Variants in TMCC1 observed in about 807,000 individuals in gnomAD.
TMCC1 encodes the protein transmembrane and coiled-coil domains protein 1.
Under a neutral mutation model 52.4 loss-of-function variants are expected in TMCC1, and 15 were observed. That is an observed-to-expected ratio of 0.29 (90% CI 0.19 to 0.44). The LOEUF (loss-of-function observed/expected upper bound fraction) is 0.44. TMCC1 is among the 20% of genes least tolerant of loss of function. TMCC1 has a pLI of 1.00. For missense variants in TMCC1, 503 were observed against 806.0 expected, an observed-to-expected ratio of 0.62 and a Z score of 4.55; for synonymous variants, 279 against 301.9, an observed-to-expected ratio of 0.92 and a Z score of 0.79.
rs368370907 is a variant in TMCC1, at chr3:129,670,432, C to T, written c.1409G>A (p.Arg470Gln). ...TTCCTCTAGTCTGGCCTGGGTTTCC[C>T]GGATCTCCTGGATCTCATGTAGTAG... ...DALLHEIQEI[R>Q]ETQARLEESF... is the part of the protein sequence containing the mutation. The change falls in exon 5 of 7, where the codon CGG becomes CAG. Residue 470 changes from arginine to glutamine, a missense_variant. Around this residue, in one of 7 missense-constraint regions of TMCC1, gnomAD observed 121 missense variants for 193.6 expected, o/e 0.62. Transcript: ENST00000393238. 307 of 1,614,142 alleles carry T rather than the reference C, an allele frequency of 1.9e-4. 1 individual carries two copies. Among genetic ancestry groups the T allele is most frequent in the Non-Finnish European group, 2.3e-4 (277 of 1,180,016 alleles).
intron 2 of TMCC1, among the ~76,000 whole-genome samples, chr3:129,846,736 T>C (rs2059680947): frequency 6.6e-6 from 1 of 151,800 alleles, no homozygotes; most frequent in South Asian, 2.1e-4. Context: ...TTTATGACTT[T>C]GAAGAATGCT....
At chr3:129,804,574 A>T (rs577963563) in intron 4 of TMCC1, among the ~76,000 whole-genome samples, 2 of 152,240 alleles carry the variant, frequency 1.3e-5, no homozygotes, top group Non-Finnish European at 2.9e-5. Context: ...TTATACACAG[A>T]GTAAACTAAA....
intron 4 of TMCC1, among the ~76,000 whole-genome samples, chr3:129,706,196 C>CT (rs915464498): frequency 1.3e-5 from 2 of 151,494 alleles, no homozygotes; most frequent in African/African-American, 4.9e-5. Context: ...GGCCAAAACA[C>CT]TTTTTTATTT....
chr3:129,868,801 A>G (rs1340505874), intron 2 of TMCC1: 1 of 152,322 alleles, frequency 6.6e-6, no homozygotes, highest in East Asian at 1.9e-4. Context: ...GACATTACCA[A>G]TAATCAAATT....
chr3:129,693,819 T>C (rs1485235524), intron 4 of TMCC1, among the ~76,000 whole-genome samples: 5 of 152,214 alleles, frequency 3.3e-5, no homozygotes, highest in Non-Finnish European at 7.3e-5. Flanking sequence ...AGAAACATAC[T>C]GAGTTTTCCT....
At chr3:129,864,371 C>T (rs1265206317) in intron 2 of TMCC1, among the ~76,000 whole-genome samples, 1 of 152,102 alleles carries the variant, frequency 6.6e-6, no homozygotes, top group Non-Finnish European at 1.5e-5. Context: ...TACCTATGCC[C>T]AATTAGAAAC....
At chr3:129,834,016 T>C (rs891987788) in intron 2 of TMCC1, among the ~76,000 whole-genome samples, 1 of 152,084 alleles carries the variant, frequency 6.6e-6, no homozygotes, top group African/African-American at 2.4e-5. Context: ...AAATAAGATG[T>C]CCATACATGA....
intron 2 of TMCC1, among the ~76,000 whole-genome samples, chr3:129,855,775 G>A (rs1253855427): frequency 6.6e-6 from 1 of 152,158 alleles, no homozygotes; most frequent in Non-Finnish European, 1.5e-5. Context: ...ACAGTTCTCA[G>A]TGATGTTTCA....
chr3:129,814,060 C>A (rs544021955), intron 4 of TMCC1, among the ~76,000 whole-genome samples: 2 of 148,874 alleles, frequency 1.3e-5, no homozygotes, highest in Non-Finnish European at 3.0e-5. Flanking sequence ...TACATTTATT[C>A]TCCCAAAGAG....
chr3:129,866,377 TG>T (rs1239754475), intron 2 of TMCC1, among the ~76,000 whole-genome samples: 67 of 142,698 alleles, frequency 4.7e-4, no homozygotes, highest in East Asian at 4.5e-3. Context: ...TATATATATA[TG>T]TTTTTTTTTT....
chr3:129,724,444 C>T (rs2049913527), intron 4 of TMCC1, among the ~76,000 whole-genome samples: 2 of 152,194 alleles, frequency 1.3e-5, no homozygotes, highest in Non-Finnish European at 2.9e-5. Context: ...CTGATCTGAT[C>T]TGTTCCTGGG....
chr3:129,717,877 CT>C (rs2049229044), intron 4 of TMCC1, among the ~76,000 whole-genome samples: 1 of 152,136 alleles, frequency 6.6e-6, no homozygotes, highest in African/African-American at 2.4e-5. Flanking sequence ...CTTTAAAAAC[CT>C]AAGTCAAATC....
chr3:129,735,061 C>T (rs2050841057), intron 4 of TMCC1, among the ~76,000 whole-genome samples: 1 of 151,964 alleles, frequency 6.6e-6, no homozygotes, highest in African/African-American at 2.4e-5. Flanking sequence ...GCCACCACGC[C>T]CGGCTAATTT....
At chr3:129,868,618 T>C (rs2060769048) in intron 2 of TMCC1, among the ~76,000 whole-genome samples, 1 of 152,184 alleles carries the variant, frequency 6.6e-6, no homozygotes, top group South Asian at 2.1e-4. Flanking sequence ...TTTGTATTTT[T>C]AGTAGTGACG....
At chr3:129,845,666 T>C (rs1030904710) in intron 2 of TMCC1, among the ~76,000 whole-genome samples, 1 of 152,110 alleles carries the variant, frequency 6.6e-6, no homozygotes, top group Non-Finnish European at 1.5e-5. Context: ...CAGTTAACCC[T>C]CACTGATGTA....
At position 129,811,765 on chromosome 3, in the gene TMCC1, G is replaced by A. The variant is rs866240849; in HGVS notation, c.576+16038C>T. 5.9e-5 allele frequency among the ~76,000 whole-genome samples: 9 copies of A among 151,608 alleles called. No homozygotes were observed. The East Asian group carries it at 7.9e-4, about 13-fold the overall frequency. ...TCGAGCCCAGCCTGGCCAACATGGC[G>A]AAACCCTGTCTCTACTAAAAATACA... is the stretch of plus-strand genomic sequence containing the variant. On this transcript the variant is annotated intron_variant, in intron 4 of 6. Transcript: ENST00000393238.
rs190648823 is a variant in TMCC1 at position 129,817,971 on chromosome 3, G to A, written c.576+9832C>T. The stretch of plus-strand genomic sequence containing the variant: ...GGGACCACAGACATGTGCCACGCCC[G>A]GTTAATTTTTGTATTTTTAGTAGAG... On this transcript the variant is annotated intron_variant, in intron 4 of 6. Transcript: ENST00000393238. Among the ~76,000 whole-genome samples the A allele has an allele frequency of 5.9e-5, 9 of 152,174 alleles. 2 individuals are homozygous for A. In the South Asian group the frequency reaches 8.3e-4, roughly 14 times the overall value.
intron 4 of TMCC1, among the ~76,000 whole-genome samples, chr3:129,675,027 A>G (rs910402089): frequency 6.6e-6 from 1 of 151,990 alleles, no homozygotes; most frequent in Admixed American, 6.6e-5. Context: ...TTTAGTAGAG[A>G]CGGGGTTTCA....
intron 4 of TMCC1, among the ~76,000 whole-genome samples, chr3:129,672,842 C>T (rs1005636148): frequency 5.9e-5 from 9 of 152,162 alleles, no homozygotes; most frequent in Admixed American, 2.0e-4. Context: ...ATTTATGAAA[C>T]GCCAATAATT....
Sources: gnomAD v4.1 joint callset for allele counts (sites outside exome capture counted in the v4.1 genomes callset) on GRCh38, gnomAD v4.1.1 for gene constraint, gnomAD v4.1.1 regional missense constraint, MANE v1.5 for transcripts, NCBI Gene and HGNC (gene_info 2026-07-23, HGNC 2026-07-21) for gene names.